The following PCDH15 variants were observed in gnomAD, a reference collection of about 807,000 sequenced individuals.
PCDH15 encodes the protein protocadherin related 15.
PCDH15 carries 129 observed loss-of-function variants against 178.5 expected under a neutral mutation model. That is an observed-to-expected ratio of 0.72 (90% CI 0.63 to 0.84). PCDH15 has a LOEUF of 0.84. Among genes scored for constraint, PCDH15 ranks in the 40% least tolerant of loss-of-function variants. The pLI, the probability that PCDH15 is intolerant of heterozygous loss-of-function variation, is 0.00. For missense variants in PCDH15, 2,230 were observed against 2,099.9 expected, an observed-to-expected ratio of 1.06 and a Z score of -1.21; for synonymous variants, 800 against 732.0, an observed-to-expected ratio of 1.09 and a Z score of -1.50.
At chr10:54,380,268 G>A (rs1390652075) in intron 3 of PCDH15, among the ~76,000 whole-genome samples, 1 of 151,586 alleles carries the variant, frequency 6.6e-6, no homozygotes, top group Non-Finnish European at 1.5e-5. Flanking sequence ...TCACATACTA[G>A]GACATAATTA....
intron 7 of PCDH15, among the ~76,000 whole-genome samples, chr10:54,324,092 T>G (rs2061783418): frequency 6.6e-6 from 1 of 152,000 alleles, no homozygotes; most frequent in African/African-American, 2.4e-5. Context: ...CCCAAGAAAC[T>G]TGCAGAGTTA....
chr10:54,406,603 CA>C (rs1952696735), intron 3 of PCDH15, among the ~76,000 whole-genome samples: 1 of 151,982 alleles, frequency 6.6e-6, no homozygotes, highest in African/African-American at 2.4e-5. Context: ...GGAACAAAGG[CA>C]AAAAACAGAA....
At chr10:53,820,544 T>G (rs1198680143) in intron 32 of PCDH15, among the ~76,000 whole-genome samples, 1 of 152,054 alleles carries the variant, frequency 6.6e-6, no homozygotes, top group African/African-American at 2.4e-5. Context: ...CATGCAAACT[T>G]ATATCTTCTA....
chr10:54,054,291 G>A (rs2093837194), intron 18 of PCDH15, among the ~76,000 whole-genome samples: 1 of 151,988 alleles, frequency 6.6e-6, no homozygotes, highest in South Asian at 2.1e-4. Context: ...AGTCAAAAGG[G>A]CAACTTAGAT....
chr10:53,954,469 CCAAA>C (rs2087411855), intron 23 of PCDH15, among the ~76,000 whole-genome samples: 1 of 152,092 alleles, frequency 6.6e-6, no homozygotes, highest in African/African-American at 2.4e-5. Flanking sequence ...AAAACGTATG[CCAAA>C]TAGTAAATGC....
chr10:55,169,142 T>C (rs969881151), intron 1 of PCDH15, among the ~76,000 whole-genome samples: 1 of 152,166 alleles, frequency 6.6e-6, no homozygotes. Flanking sequence ...ACTACTTCAA[T>C]ATTAGCTAGA....
At chr10:54,746,179 T>A (rs1945438401) in intron 1 of PCDH15, among the ~76,000 whole-genome samples, 1 of 152,164 alleles carries the variant, frequency 6.6e-6, no homozygotes, top group African/African-American at 2.4e-5. Context: ...TTTTAGGATG[T>A]TTAACAGCAT....
chr10:54,421,916 A>C (rs1955540537), intron 3 of PCDH15, among the ~76,000 whole-genome samples: 1 of 112,180 alleles, frequency 8.9e-6, no homozygotes. Flanking sequence ...TATACACTAT[A>C]TATATATATA....
intron 25 of PCDH15, among the ~76,000 whole-genome samples, chr10:53,915,600 T>A (rs575011165): frequency 2.6e-5 from 4 of 152,122 alleles, no homozygotes; most frequent in Non-Finnish European, 5.9e-5. Context: ...CGCTCTGTCA[T>A]CCAGGCTGGA....
intron 18 of PCDH15, among the ~76,000 whole-genome samples, chr10:54,044,824 T>G (rs1217925103): frequency 6.6e-6 from 1 of 152,174 alleles, no homozygotes; most frequent in African/African-American, 2.4e-5. Context: ...TTCCTGTGAT[T>G]AATACACATT....
chr10:54,950,825 T>C (rs1220514950), intron 2 of PCDH15, among the ~76,000 whole-genome samples: 1 of 151,922 alleles, frequency 6.6e-6, no homozygotes, highest in East Asian at 1.9e-4. Flanking sequence ...GGTGGGGACA[T>C]AGTCAAACTA....
At chr10:54,836,970 C>A (rs1953327926) in intron 3 of PCDH15, among the ~76,000 whole-genome samples, 1 of 151,968 alleles carries the variant, frequency 6.6e-6, no homozygotes, top group African/African-American at 2.4e-5. Context: ...TGTTGAAATA[C>A]TTCAAGAACA....
chr10:54,181,268 T>C lies in PCDH15; in HGVS notation c.1590+2176A>G, dbSNP rs369374182. On this transcript the variant is annotated intron_variant, in intron 13 of 37. Transcript: ENST00000644397. ...ATTGACTGGAACTAATAGTCATGTA[T>C]CTACAGCTTCCCATTCTCTCATATC... Among the ~76,000 whole-genome samples, 41 of 152,346 alleles carry C rather than the reference T, an allele frequency of 2.7e-4. No homozygotes were observed. The East Asian group carries it at 6.5e-3, about 24-fold the overall frequency.
intron 2 of PCDH15, among the ~76,000 whole-genome samples, chr10:54,548,021 T>C (rs2086054918): frequency 6.7e-6 from 1 of 149,904 alleles, no homozygotes. Context: ...TTTTTCTGAC[T>C]ACTTGGCAAC....
At chr10:55,556,354 T>C (rs1842090837) in intron 2 of PCDH15, among the ~76,000 whole-genome samples, 1 of 152,146 alleles carries the variant, frequency 6.6e-6, no homozygotes, top group African/African-American at 2.4e-5. Flanking sequence ...TCCTGGGATA[T>C]CTATTGCTGC....
At chr10:54,951,791 T>C (rs1838347082) in intron 2 of PCDH15, among the ~76,000 whole-genome samples, 1 of 151,920 alleles carries the variant, frequency 6.6e-6, no homozygotes, top group African/African-American at 2.4e-5. Flanking sequence ...TAATTTGCAG[T>C]TCCCAAATGG....
intron 1 of PCDH15, among the ~76,000 whole-genome samples, chr10:54,797,806 G>T (rs561049878): frequency 4.6e-5 from 7 of 151,846 alleles, no homozygotes; most frequent in Admixed American, 1.3e-4. Context: ...GTGTGGGCAG[G>T]GGGGGAGCGG....
chr10:55,189,845 A>T (rs1591977118), intron 1 of PCDH15, among the ~76,000 whole-genome samples: 1 of 151,854 alleles, frequency 6.6e-6, no homozygotes, highest in East Asian at 1.9e-4. Context: ...AAATACTTAG[A>T]AAAATTTTTA....
intron 26 of PCDH15, among the ~76,000 whole-genome samples, chr10:53,874,004 G>C (rs943221343): frequency 6.6e-6 from 1 of 152,016 alleles, no homozygotes; most frequent in African/African-American, 2.4e-5. Flanking sequence ...AGAACTATGA[G>C]GAAAAATAAA....
Sources: gnomAD v4.1 joint callset for allele counts (sites outside exome capture counted in the v4.1 genomes callset) on GRCh38, gnomAD v4.1.1 for gene constraint, MANE v1.5 for transcripts, NCBI Gene and HGNC (gene_info 2026-07-23, HGNC 2026-07-21) for gene names.